PRKN: variants seen among roughly 807,000 people sequenced by gnomAD.
PRKN encodes the protein E3 ubiquitin-protein ligase parkin.
Under a neutral mutation model 59.5 loss-of-function variants are expected in PRKN, and 56 were observed. That is an observed-to-expected ratio of 0.94 (90% CI 0.76 to 1.18). The LOEUF (loss-of-function observed/expected upper bound fraction) is 1.18, where lower values mean the gene tolerates loss of function less well. Ranked by LOEUF, PRKN falls within the 50% of genes most tolerant of loss-of-function variation. The probability of loss-of-function intolerance (pLI) is 0.00; values close to 1 mark genes in which losing one functional copy is unlikely to be tolerated. For missense variants in PRKN, 657 were observed against 596.4 expected, an observed-to-expected ratio of 1.10 and a Z score of -1.06; for synonymous variants, 250 against 222.1, an observed-to-expected ratio of 1.13 and a Z score of -1.12.
At chr6:162,041,930 G>A (rs1190373896) in intron 5 of PRKN, among the ~76,000 whole-genome samples, 2 of 152,036 alleles carry the variant, frequency 1.3e-5, no homozygotes, top group East Asian at 3.9e-4. Flanking sequence ...GTTTAGAACA[G>A]TTCTATTGAT....
chr6:162,561,189 C>CT (rs931095272), intron 1 of PRKN, among the ~76,000 whole-genome samples: 3 of 152,080 alleles, frequency 2.0e-5, no homozygotes, highest in Non-Finnish European at 2.9e-5. Flanking sequence ...TGCGGAGAGC[C>CT]TTAAGTATTA....
chr6:162,715,247 A>C (rs912814287), intron 1 of PRKN, among the ~76,000 whole-genome samples: 10 of 152,340 alleles, frequency 6.6e-5, no homozygotes, highest in Non-Finnish European at 1.5e-4. Flanking sequence ...ACATGGAAGA[A>C]GACAAACCGG....
chr6:162,096,441 C>T (rs1779733581), intron 4 of PRKN, among the ~76,000 whole-genome samples: 1 of 152,158 alleles, frequency 6.6e-6, no homozygotes, highest in Non-Finnish European at 1.5e-5. Flanking sequence ...TTACAAAGCA[C>T]TCCTATTTCA....
chr6:161,513,782 A>G (rs996377912), intron 9 of PRKN, among the ~76,000 whole-genome samples: 3 of 152,114 alleles, frequency 2.0e-5, no homozygotes, highest in Non-Finnish European at 4.4e-5. Flanking sequence ...CTACTTTACA[A>G]CGAGCATGGG....
intron 2 of PRKN, among the ~76,000 whole-genome samples, chr6:162,438,281 A>G (rs577103819): frequency 6.6e-6 from 1 of 152,294 alleles, no homozygotes; most frequent in East Asian, 1.9e-4. Flanking sequence ...TACATTAGAC[A>G]ATGCTATAAC....
At chr6:162,125,094 C>T (rs1248296016) in intron 4 of PRKN, among the ~76,000 whole-genome samples, 1 of 152,178 alleles carries the variant, frequency 6.6e-6, no homozygotes, top group Non-Finnish European at 1.5e-5. Context: ...GCCAGCTGTC[C>T]TGTGGGAATG....
At chr6:161,641,234 T>C (rs1783725830) in intron 7 of PRKN, among the ~76,000 whole-genome samples, 1 of 152,236 alleles carries the variant, frequency 6.6e-6, no homozygotes, top group South Asian at 2.1e-4. Flanking sequence ...AGGTTAGAAA[T>C]GATGGTTTAG....
At chr6:161,838,771 C>T (rs188545048) in intron 6 of PRKN, among the ~76,000 whole-genome samples, 2 of 152,340 alleles carry the variant, frequency 1.3e-5, no homozygotes. Context: ...CTGGTCTCTG[C>T]ACAAACACGG....
chr6:161,628,917 A>T (rs1216576800), intron 7 of PRKN, among the ~76,000 whole-genome samples: 3 of 152,216 alleles, frequency 2.0e-5, no homozygotes, highest in Non-Finnish European at 2.9e-5. Context: ...CATTCGCAGG[A>T]CACACAGCTT....
At chr6:162,339,397 A>C (rs1201387427) in intron 2 of PRKN, among the ~76,000 whole-genome samples, 2 of 142,002 alleles carry the variant, frequency 1.4e-5, no homozygotes, top group East Asian at 4.4e-4. Context: ...TGGGGGGGTC[A>C]GCCCCCCGCC....
intron 6 of PRKN, among the ~76,000 whole-genome samples, chr6:161,967,916 T>G (rs1324837722): frequency 6.6e-6 from 1 of 152,196 alleles, no homozygotes; most frequent in African/African-American, 2.4e-5. Context: ...AAAATCAGAA[T>G]AGAGGAAACA....
intron 9 of PRKN, among the ~76,000 whole-genome samples, chr6:161,469,084 T>A (rs1331749961): frequency 6.6e-6 from 1 of 151,410 alleles, no homozygotes; most frequent in African/African-American, 2.5e-5. Context: ...CCCTGGAACT[T>A]ATGAATATGG....
At chr6:162,608,523 C>G (rs775581801) in intron 1 of PRKN, among the ~76,000 whole-genome samples, 1 of 152,134 alleles carries the variant, frequency 6.6e-6, no homozygotes, top group Non-Finnish European at 1.5e-5. Context: ...GTGGTGATGA[C>G]ACAGGAGACT....
chr6:162,106,315 T>A (rs892355117), intron 4 of PRKN, among the ~76,000 whole-genome samples: 1 of 151,866 alleles, frequency 6.6e-6, no homozygotes, highest in South Asian at 2.1e-4. Flanking sequence ...GCGATGATGA[T>A]AATCCCCAAA....
Position 162,373,200 on chromosome 6 carries a change from T to C in PRKN, c.171+70110A>G, listed in dbSNP as rs141227195. On this transcript the variant is annotated intron_variant, in intron 2 of 11. Coordinates refer to ENST00000366898, the MANE Select transcript of PRKN (RefSeq NM_004562.3). ...GTGTAACTAGTAATATAATAGCTAC[T>C]TCAACGGAGCTTTCATGTAAAACAG... Among the ~76,000 whole-genome samples the C allele has an allele frequency of 2.7e-3, 410 of 152,344 alleles. 1 individual carries two copies. The highest frequency in any genetic ancestry group is 8.8e-3 in the African/African-American group (367 of 41,582).
chr6:162,262,729 C>T lies in PRKN; in HGVS notation c.208G>A (p.Val70Met), dbSNP rs899299169. 6.3e-7 allele frequency: 1 copy of T among 1,587,232 alleles called. No homozygotes were observed. The highest frequency in any genetic ancestry group is 8.5e-7 in the Non-Finnish European group (1 of 1,170,740). Residue 70 changes from valine (V) to methionine (M), a missense_variant, in exon 3 of 12, where the codon GTG becomes ATG. Coordinates refer to ENST00000366898, the MANE Select transcript of PRKN (RefSeq NM_004562.3). Reference sequence around the variant, plus strand: ...TGACCTTTTCTCCACGGTCTCTGCACAATGTGAACAATGCTCTGCTGATCC... The same window carrying T: ...TGACCTTTTCTCCACGGTCTCTGCATAATGTGAACAATGCTCTGCTGATCC... ...DLDQQSIVHIVQRPWRKGQEM... is the reference protein window; with the variant it reads ...DLDQQSIVHIMQRPWRKGQEM...
In PRKN at chr6:161,550,749, G is replaced by GTGTGTGTGTGTGTT. The variant is rs1290439772; in HGVS notation, c.934-1747_934-1746insAACACACACACACA. 7.9e-5 allele frequency among the ~76,000 whole-genome samples: 12 copies of GTGTGTGTGTGTGTT among 151,718 alleles called. No individual in the cohort carries two copies. The highest frequency in any genetic ancestry group is 6.6e-4 in the Admixed American group (10 of 15,226). On this transcript the variant is annotated intron_variant, in intron 8 of 11. Transcript: ENST00000366898. The surrounding 1 kb of genome is among the most constrained non-coding windows in gnomAD (Gnocchi z 4.0). ...TGTGTGTGTGTGCACGTGTGTGTGT[G>GTGTGTGTGTGTGTT]TGTGTGTGTGTGTAGGGAGTTGAGG... is the stretch of plus-strand genomic sequence containing the variant.
chr6:161,655,154 G>A (rs1784293996), intron 7 of PRKN, among the ~76,000 whole-genome samples: 1 of 141,360 alleles, frequency 7.1e-6, no homozygotes, highest in South Asian at 2.1e-4. Flanking sequence ...AGTTACAGAG[G>A]CATTCCTGGG....
intron 1 of PRKN, among the ~76,000 whole-genome samples, chr6:162,715,203 G>C (rs1778677572): frequency 6.6e-6 from 1 of 152,150 alleles, no homozygotes; most frequent in Non-Finnish European, 1.5e-5. Flanking sequence ...CCACCCCAAA[G>C]GTTAATATCA....
Sources: gnomAD v4.1 joint callset for allele counts (sites outside exome capture counted in the v4.1 genomes callset) on GRCh38, gnomAD v4.1.1 for gene constraint, Gnocchi (gnomAD v3.1) non-coding constraint, MANE v1.5 for transcripts, NCBI Gene and HGNC (gene_info 2026-07-23, HGNC 2026-07-21) for gene names.